The following GPBP1L1 variants were observed in gnomAD, a reference collection of about 807,000 sequenced individuals.
GPBP1L1 encodes vasculin-like protein 1.
In GPBP1L1, 23 loss-of-function variants were observed where a neutral mutation model predicts 52.5. That is an observed-to-expected ratio of 0.44 (90% CI 0.32 to 0.62). The LOEUF (loss-of-function observed/expected upper bound fraction) is 0.62, where lower values mean the gene tolerates loss of function less well. Ranked by LOEUF, GPBP1L1 falls within the 20% of genes least tolerant of loss-of-function variation. The pLI is 0.06. For synonymous variants in GPBP1L1, 243 were observed against 203.1 expected (o/e 1.20, Z -1.67); for missense variants, 596 against 579.3 (o/e 1.03, Z -0.30).
intron 6 of GPBP1L1, among the ~76,000 whole-genome samples, chr1:45,653,415 G>T (rs1469589208): frequency 2.6e-5 from 4 of 152,056 alleles, no homozygotes; most frequent in South Asian, 2.1e-4. Flanking sequence ...GAATGCAGTG[G>T]GGCAATCATA....
At chr1:45,679,570 A>G (rs913405987) in intron 2 of GPBP1L1, among the ~76,000 whole-genome samples, 18 of 152,148 alleles carry the variant, frequency 1.2e-4, no homozygotes, top group East Asian at 3.8e-4. Flanking sequence ...TCCTCTCCCA[A>G]TAAGATTCAC....
chr1:45,654,579 GTCT>G lies in GPBP1L1; in HGVS notation c.438_440del (p.Glu146del), dbSNP rs1176845195. On this transcript the variant is annotated inframe_deletion, in exon 6 of 13. Coordinates refer to ENST00000355105, the MANE Select transcript of GPBP1L1 (RefSeq NM_021639.5). ...CTTCAAACTGCAACTTTTCCACCTT[GTCT>G]TCTTTCTTTTCTTCCCTAATCTCCA... 3 of 1,612,666 alleles carry G rather than the reference GTCT, an allele frequency of 1.9e-6. No individual in the cohort carries two copies. In the African/African-American group the frequency reaches 4.0e-5, roughly 22 times the overall value.
At chr1:45,673,523 C>G (rs538290117) in intron 2 of GPBP1L1, among the ~76,000 whole-genome samples, 96 of 152,264 alleles carry the variant, frequency 6.3e-4, no homozygotes, top group African/African-American at 2.3e-3. Flanking sequence ...TGCTTGTCAC[C>G]CATGAAGCTG....
At chr1:45,649,694 T>A (rs1413386409) in intron 6 of GPBP1L1, among the ~76,000 whole-genome samples, 1 of 152,198 alleles carries the variant, frequency 6.6e-6, no homozygotes, top group Admixed American at 6.5e-5. Flanking sequence ...AAAATTTTCA[T>A]ACAGTAAAAT....
At chr1:45,678,721 A>C (rs1285199328) in intron 2 of GPBP1L1, among the ~76,000 whole-genome samples, 2 of 152,232 alleles carry the variant, frequency 1.3e-5, no homozygotes, top group African/African-American at 2.4e-5. Flanking sequence ...AGATAAAGTA[A>C]ACATTTGCAA....
At chr1:45,629,455 C>CA in intron 12 of GPBP1L1, 121 bp downstream of exon 12, 6 of 48,054 alleles carry the variant, frequency 1.2e-4, no homozygotes, top group Middle Eastern at 7.2e-3. Flanking sequence ...CTAAGGTAAT[C>CA]CCCCCCCCCC....
chr1:45,650,483 T>C (rs1408380828), intron 6 of GPBP1L1, among the ~76,000 whole-genome samples: 2 of 152,156 alleles, frequency 1.3e-5, no homozygotes, highest in Non-Finnish European at 2.9e-5. Context: ...TTCACAAACA[T>C]TCTCTAACAA....
intron 2 of GPBP1L1, among the ~76,000 whole-genome samples, chr1:45,668,372 A>G (rs912290382): frequency 1.3e-5 from 2 of 152,178 alleles, no homozygotes; most frequent in Non-Finnish European, 2.9e-5. Flanking sequence ...CAGAACACCT[A>G]GCCAGGTGCA....
In GPBP1L1 at chr1:45,643,658, C is replaced by CTT. The variant is rs113388167; in HGVS notation, c.478-1161_478-1160dup. Among the ~76,000 whole-genome samples, 186 of 65,152 alleles carry CTT rather than the reference C, an allele frequency of 2.9e-3. 20 individuals are homozygous for CTT. The highest frequency in any genetic ancestry group is 0.01 in the East Asian group (20 of 1,956). 42.7% of individuals were successfully genotyped at this position (65,152 alleles called of 152,430 possible). ...ATCTGGTAACAGGGTAGGAGAATGGCTTTTTTTTTTTTTTTTTTTTTTTTT... is the reference window on the plus strand; with the variant it reads ...ATCTGGTAACAGGGTAGGAGAATGGCTTTTTTTTTTTTTTTTTTTTTTTTTTT... On this transcript the variant is annotated intron_variant, in intron 6 of 12. Transcript: ENST00000355105.
intron 2 of GPBP1L1, among the ~76,000 whole-genome samples, chr1:45,666,232 C>T (rs1270014258): frequency 6.6e-6 from 1 of 152,004 alleles, no homozygotes; most frequent in African/African-American, 2.4e-5. Context: ...AACCTCCATC[C>T]CCCAGGAGAA....
rs567301656 is a variant in GPBP1L1, at chr1:45,652,215, T to C, written c.477+2328A>G. On this transcript the variant is annotated intron_variant, in intron 6 of 12. Transcript: ENST00000355105. ...GCCAAATATCCCCCAGCGGGCAAAC[T>C]TGCCCCTAGTTGAGAACCACTAAGC... 4.6e-5 allele frequency among the ~76,000 whole-genome samples: 7 copies of C among 152,328 alleles called. No homozygotes were observed. In the South Asian group the frequency reaches 8.3e-4, roughly 18 times the overall value.
chr1:45,646,966 C>T (rs1644755609), intron 6 of GPBP1L1, among the ~76,000 whole-genome samples: 1 of 151,848 alleles, frequency 6.6e-6, no homozygotes, highest in Admixed American at 6.6e-5. Context: ...CTTTTTTTTC[C>T]CAGTTTTAAT....
chr1:45,630,372 G>T, intron 11 of GPBP1L1, 110 bp downstream of exon 11: 1 of 1,268,012 alleles, frequency 7.9e-7, no homozygotes, highest in Non-Finnish European at 1.1e-6. Flanking sequence ...GTTATGACTG[G>T]GCCACTTCTC....
intron 11 of GPBP1L1, among the ~76,000 whole-genome samples, chr1:45,629,891 A>G (rs1384992484): frequency 6.6e-6 from 1 of 152,116 alleles, no homozygotes; most frequent in Non-Finnish European, 1.5e-5. Context: ...GAAGAGCTAA[A>G]GAAGAGACAG....
At chr1:45,675,670 G>A (rs930540627) in intron 2 of GPBP1L1, among the ~76,000 whole-genome samples, 3 of 152,162 alleles carry the variant, frequency 2.0e-5, no homozygotes, top group Non-Finnish European at 2.9e-5. Context: ...TTCCCAAGTA[G>A]CAAGGACTAC....
chr1:45,640,241 A>G lies in GPBP1L1; in HGVS notation c.713T>C (p.Leu238Pro). The change falls in exon 8 of 13, where the codon CTG becomes CCG. Residue 238 changes from leucine (L) to proline (P), a missense_variant. Coordinates refer to ENST00000355105, the MANE Select transcript of GPBP1L1 (RefSeq NM_021639.5). ...AGGAGGTGGTACAGGCTTAGGAACC[A>G]GGTTCTTATAGACACTTGGAACCAC... ...SSVVPSVYKN[L>P]VPKPVPPPSK... 1 of 1,614,120 alleles carries G rather than the reference A, an allele frequency of 6.2e-7. No individual in the cohort carries two copies. The highest frequency in any genetic ancestry group is 1.1e-5 in the South Asian group (1 of 91,084).
chr1:45,660,248 G>A lies in GPBP1L1; in HGVS notation c.-120C>T, dbSNP rs1184264162. The A allele has an allele frequency of 1.0e-6, 1 of 985,208 alleles. No homozygotes were observed. Among genetic ancestry groups the A allele is most frequent in the African/African-American group, 1.7e-5 (1 of 57,186 alleles). The allele number at this position is 985,208 out of a possible 1,614,324, so 61.0% of individuals were successfully genotyped here. ...GTCGGCCAGCTGGATCTCCCACAAG[G>A]TTTCCTTGTTAAAAGGGTGCTTAAG... On this transcript the variant is annotated 5_prime_UTR_variant, in exon 3 of 13. Coordinates refer to ENST00000355105, the MANE Select transcript of GPBP1L1 (RefSeq NM_021639.5).
upstream of GPBP1L1, chr1:45,686,585 C>G (rs535279228): frequency 2.0e-5 from 3 of 153,016 alleles, no homozygotes; most frequent in Admixed American, 1.3e-4. Context: ...GAGGAGCGAC[C>G]AGCAGCACGG....
chr1:45,635,513 G>C (rs1644582854), intron 8 of GPBP1L1: 1 of 152,124 alleles, frequency 6.6e-6, no homozygotes, highest in Non-Finnish European at 1.5e-5. Context: ...GATTTACTCT[G>C]TTACATAAAA....
Sources: gnomAD v4.1 joint callset for allele counts (sites outside exome capture counted in the v4.1 genomes callset) on GRCh38, gnomAD v4.1.1 for gene constraint, MANE v1.5 for transcripts, NCBI Gene and HGNC (gene_info 2026-07-23, HGNC 2026-07-21) for gene names.